CDK8: variants seen among roughly 807,000 people sequenced by gnomAD.
CDK8 encodes cyclin dependent kinase 8.
In CDK8, 29 loss-of-function variants were observed where a neutral mutation model predicts 71.5. The observed-to-expected ratio is 0.41, with a 90% confidence interval of 0.30 to 0.55. The LOEUF (loss-of-function observed/expected upper bound fraction) is 0.55, where lower values mean the gene tolerates loss of function less well. Among genes scored for constraint, CDK8 ranks in the 20% least tolerant of loss-of-function variants. The pLI is 0.37. For missense variants in CDK8, 288 were observed against 572.6 expected, an observed-to-expected ratio of 0.50 and a Z score of 5.07; for synonymous variants, 161 against 192.1, an observed-to-expected ratio of 0.84 and a Z score of 1.34.
At chr13:26,357,278 C>G (rs1004045832) in intron 4 of CDK8, among the ~76,000 whole-genome samples, 1 of 152,118 alleles carries the variant, frequency 6.6e-6, no homozygotes, top group Admixed American at 6.6e-5. Flanking sequence ...AGCTGAGAGT[C>G]GTAATCAGTG....
rs1397629908 is a variant in CDK8, at chr13:26,349,275, T to C, written c.315+93T>C. The C allele has an allele frequency of 3.4e-5, 25 of 736,022 alleles. 1 individual carries two copies. Among genetic ancestry groups the C allele is most frequent in the South Asian group, 2.9e-4 (17 of 58,616 alleles). 45.6% of individuals were successfully genotyped at this position (736,022 alleles called of 1,614,324 possible). A position where few individuals can be genotyped will look rare whatever the true frequency, so the allele number is the denominator to read the frequency against. ...GGTGTTCTGCTTATTATGAGACTTA[T>C]GTTTTTAAAATAAAAGTAACCTCAT... On this transcript the variant is annotated intron_variant, in intron 3 of 12. Transcript: ENST00000381527.
chr13:26,385,122 T>C lies in CDK8; in HGVS notation c.515-89T>C, dbSNP rs1875414301. The C allele has an allele frequency of 2.7e-6, 3 of 1,093,918 alleles. No individual in the cohort carries two copies. The South Asian group carries it at 4.8e-5, about 18-fold the overall frequency. The allele number at this position is 1,093,918 out of a possible 1,614,324, so 67.8% of individuals were successfully genotyped here. On this transcript the variant is annotated intron_variant, in intron 5 of 12. Transcript: ENST00000381527. ...CCCCTAGAATTGAGCACATTTTTCA[T>C]CTTACTGAATAAGATGGTAAATTAG...
chr13:26,353,271 C>T (rs532562587), intron 3 of CDK8, among the ~76,000 whole-genome samples: 1 of 152,184 alleles, frequency 6.6e-6, no homozygotes, highest in African/African-American at 2.4e-5. Context: ...ACTGGTATAT[C>T]ATTTCTTTGT....
chr13:26,309,826 C>T (rs370777663), intron 1 of CDK8, among the ~76,000 whole-genome samples: 13 of 152,092 alleles, frequency 8.5e-5, no homozygotes, highest in East Asian at 5.8e-4. Context: ...CTCGCTCTGT[C>T]GCCCAGGCTG....
Position 26,335,124 on chromosome 13 carries a change from C to T in CDK8, c.129-2443C>T, listed in dbSNP as rs184621183. On this transcript the variant is annotated intron_variant, in intron 1 of 12. Transcript: ENST00000381527. ...TCTTAAGAAATAATAACTCTAACCT[C>T]GTGTATTACTCCAGCACCTGCCTTA... Among the ~76,000 whole-genome samples the T allele has an allele frequency of 7.9e-5, 12 of 152,210 alleles. No individual in the cohort carries two copies. The East Asian group carries it at 1.9e-3, about 24-fold the overall frequency.
At chr13:26,278,995 C>T (rs900971723) in intron 1 of CDK8, among the ~76,000 whole-genome samples, 11 of 152,228 alleles carry the variant, frequency 7.2e-5, no homozygotes, top group African/African-American at 1.4e-4. Context: ...GCAGATACCA[C>T]GTCATTTTAT....
chr13:26,386,752 C>T (rs1875496321), intron 6 of CDK8, among the ~76,000 whole-genome samples: 1 of 152,202 alleles, frequency 6.6e-6, no homozygotes, highest in Non-Finnish European at 1.5e-5. Flanking sequence ...GAATTTTCCT[C>T]TCAGAACTTG....
chr13:26,351,258 G>T (rs1039753250), intron 3 of CDK8, among the ~76,000 whole-genome samples: 62 of 151,880 alleles, frequency 4.1e-4, no homozygotes, highest in Non-Finnish European at 6.6e-4. Flanking sequence ...TACTAAATTA[G>T]CATGGCTATG....
At chr13:26,301,696 G>C (rs1873831885) in intron 1 of CDK8, among the ~76,000 whole-genome samples, 1 of 152,118 alleles carries the variant, frequency 6.6e-6, no homozygotes, top group Non-Finnish European at 1.5e-5. Context: ...AGGATAGGAT[G>C]GGACATTCCC....
At chr13:26,265,475 T>C (rs1294757034) in intron 1 of CDK8, among the ~76,000 whole-genome samples, 1 of 152,198 alleles carries the variant, frequency 6.6e-6, no homozygotes. Flanking sequence ...TGAGGAGTTA[T>C]AGTGCAGGTG....
chr13:26,329,321 T>C (rs1340823539), intron 1 of CDK8, among the ~76,000 whole-genome samples: 1 of 152,078 alleles, frequency 6.6e-6, no homozygotes, highest in Non-Finnish European at 1.5e-5. Flanking sequence ...GGTCCCATCC[T>C]CTTATTTTTG....
chr13:26,339,683 A>T (rs1873143464), intron 2 of CDK8, among the ~76,000 whole-genome samples: 1 of 133,090 alleles, frequency 7.5e-6, no homozygotes, highest in Non-Finnish European at 1.7e-5. Context: ...CAGCGGAAAG[A>T]TATACTTTCC....
In CDK8 at chr13:26,254,869, C is replaced by T; in HGVS notation, c.128+100C>T. The T allele has an allele frequency of 1.3e-6, 2 of 1,499,016 alleles. No individual in the cohort carries two copies. Among genetic ancestry groups the T allele is most frequent in the Non-Finnish European group, 1.8e-6 (2 of 1,110,364 alleles). 92.9% of individuals were successfully genotyped at this position (1,499,016 alleles called of 1,614,324 possible). A position where few individuals can be genotyped will look rare whatever the true frequency, so the allele number is the denominator to read the frequency against. On this transcript the variant is annotated intron_variant, in intron 1 of 12. Transcript: ENST00000381527. This position sits in a 1 kb window ranked among gnomAD's most constrained non-coding sequence, Gnocchi z 6.7. ...GAGCGGGCCGCCGGGGTGCCGGGCT[C>T]TGACTTCCTCGACGCCGGCCTCTGG... is the stretch of plus-strand genomic sequence containing the variant.
intron 9 of CDK8, among the ~76,000 whole-genome samples, chr13:26,398,709 C>T (rs1426457253): frequency 6.6e-6 from 1 of 152,126 alleles, no homozygotes; most frequent in Non-Finnish European, 1.5e-5. Flanking sequence ...CGTGGTAGCT[C>T]ACGCCTGTGA....
chr13:26,382,420 A>G (rs563641194), intron 4 of CDK8, among the ~76,000 whole-genome samples: 2 of 152,306 alleles, frequency 1.3e-5, no homozygotes, highest in South Asian at 2.1e-4. Flanking sequence ...TTCCTTGCCT[A>G]TAATTAATTT....
chr13:26,371,068 C>G (rs987179682), intron 4 of CDK8, among the ~76,000 whole-genome samples: 1 of 152,010 alleles, frequency 6.6e-6, no homozygotes, highest in African/African-American at 2.4e-5. Context: ...TCTTGCGGGC[C>G]TTATCCAATC....
intron 1 of CDK8, among the ~76,000 whole-genome samples, chr13:26,264,039 T>C (rs1013668362): frequency 6.6e-6 from 1 of 152,016 alleles, no homozygotes; most frequent in African/African-American, 2.4e-5. Flanking sequence ...GAGCCACCGC[T>C]CCCAGCCAAG....
intron 2 of CDK8, among the ~76,000 whole-genome samples, chr13:26,342,477 T>G (rs963658984): frequency 6.6e-6 from 1 of 152,152 alleles, no homozygotes; most frequent in East Asian, 1.9e-4. Context: ...CAAAACAAGT[T>G]ATTTGATTTC....
chr13:26,374,742 A>G (rs1874866628), intron 4 of CDK8, among the ~76,000 whole-genome samples: 1 of 152,188 alleles, frequency 6.6e-6, no homozygotes, highest in African/African-American at 2.4e-5. Context: ...TTATATATCA[A>G]GCTAATAAAA....
Sources: gnomAD v4.1 joint callset for allele counts (sites outside exome capture counted in the v4.1 genomes callset) on GRCh38, gnomAD v4.1.1 for gene constraint, Gnocchi (gnomAD v3.1) non-coding constraint, MANE v1.5 for transcripts, NCBI Gene and HGNC (gene_info 2026-07-23, HGNC 2026-07-21) for gene names.